Variants in FLT1 observed in about 807,000 individuals in gnomAD.
FLT1 encodes the protein fms related receptor tyrosine kinase 1.
FLT1 carries 49 observed loss-of-function variants against 156.3 expected under a neutral mutation model. The observed-to-expected ratio is 0.31, with a 90% CI of 0.25 to 0.40. The LOEUF (loss-of-function observed/expected upper bound fraction) is 0.40, where lower values mean the gene tolerates loss of function less well. FLT1 is among the 10% of genes least tolerant of loss of function. The probability of loss-of-function intolerance (pLI) is 1.00; values close to 1 mark genes in which losing one functional copy is unlikely to be tolerated. For missense variants in FLT1, 1,322 were observed against 1,637.2 expected (o/e 0.81, Z 3.32); for synonymous variants, 594 against 583.8 (o/e 1.02, Z -0.25).
chr13:28,391,020 C>T (rs956921425), intron 12 of FLT1, among the ~76,000 whole-genome samples: 76 of 152,132 alleles, frequency 5.0e-4, no homozygotes, highest in South Asian at 2.1e-4. Flanking sequence ...GAGAGGAGCC[C>T]GCTGACTTAC....
intron 1 of FLT1, among the ~76,000 whole-genome samples, chr13:28,492,511 A>G (rs1333271547): frequency 6.6e-6 from 1 of 151,934 alleles, no homozygotes; most frequent in African/African-American, 2.4e-5. Context: ...GGGGAAAGGC[A>G]TTATCTTTTT....
intron 11 of FLT1, among the ~76,000 whole-genome samples, chr13:28,399,942 G>A (rs1226020111): frequency 6.6e-6 from 1 of 152,202 alleles, no homozygotes; most frequent in East Asian, 1.9e-4. Flanking sequence ...CCAAAACCCT[G>A]TGAGATGGGT....
intron 25 of FLT1, among the ~76,000 whole-genome samples, chr13:28,314,961 G>A (rs1871142149): frequency 6.6e-6 from 1 of 152,182 alleles, no homozygotes; most frequent in Non-Finnish European, 1.5e-5. Context: ...AAGCTGATGT[G>A]ACTTTGTACC....
chr13:28,492,883 A>G (rs79377967), intron 1 of FLT1, among the ~76,000 whole-genome samples: 266 of 152,330 alleles, frequency 1.7e-3, no homozygotes, highest in African/African-American at 6.0e-3. Context: ...TGTTCTGTTA[A>G]CTGTTAGGTA....
chr13:28,315,567 C>T (rs1434667394), intron 25 of FLT1, among the ~76,000 whole-genome samples: 1 of 151,914 alleles, frequency 6.6e-6, no homozygotes, highest in Non-Finnish European at 1.5e-5. Flanking sequence ...AAAAAACAAA[C>T]AAAAAAACCC....
chr13:28,386,467 A>G, intron 13 of FLT1: 1 of 1,046,298 alleles, frequency 9.6e-7, no homozygotes, highest in Non-Finnish European at 1.2e-6. Flanking sequence ...CTGAAGGCAA[A>G]AAAGTGTGCT....
At chr13:28,492,071 T>C (rs1881504065) in intron 1 of FLT1, among the ~76,000 whole-genome samples, 1 of 151,626 alleles carries the variant, frequency 6.6e-6, no homozygotes, top group African/African-American at 2.4e-5. Context: ...AATATGCAAT[T>C]TAGACCAAAA....
chr13:28,479,375 C>T (rs1880717823), intron 1 of FLT1, among the ~76,000 whole-genome samples: 1 of 152,170 alleles, frequency 6.6e-6, no homozygotes, highest in African/African-American at 2.4e-5. Flanking sequence ...GGAGATTAAT[C>T]ATGCTTCGGA....
At chr13:28,450,007 AT>A (rs66516387) in intron 3 of FLT1, among the ~76,000 whole-genome samples, 118,066 of 152,028 alleles carry the variant, frequency 0.78, 46,060 homozygotes, top group African/African-American at 0.82. Flanking sequence ...AGGAAAACCG[AT>A]TCCCCTCAAT....
chr13:28,308,035 G>A (rs1247865868), intron 28 of FLT1, among the ~76,000 whole-genome samples: 1 of 152,222 alleles, frequency 6.6e-6, no homozygotes, highest in Non-Finnish European at 1.5e-5. Flanking sequence ...GCCTCCCAAA[G>A]TGCTGGGATT....
Position 28,453,092 on chromosome 13 carries a change from CTT to C in FLT1, c.388+13809_388+13810del, listed in dbSNP as rs1353121531. On this transcript the variant is annotated intron_variant, in intron 3 of 29. Transcript: ENST00000282397. ...CTTTCCTTTCCTTTCCTTTCCTTTCCTTTCCTTTCCTTTCCTTTCCTTTCCTT... is the reference window on the plus strand; with the variant it reads ...CTTTCCTTTCCTTTCCTTTCCTTTCCTCCTTTCCTTTCCTTTCCTTTCCTT... 4.9e-3 allele frequency among the ~76,000 whole-genome samples: 280 copies of C among 57,176 alleles called. 12 individuals carry two copies. The highest frequency in any genetic ancestry group is 6.7e-3 in the Non-Finnish European group (219 of 32,506). 37.5% of individuals were successfully genotyped at this position (57,176 alleles called of 152,430 possible). A position where few individuals can be genotyped will look rare whatever the true frequency, so the allele number is the denominator to read the frequency against.
At chr13:28,493,316 A>G (rs1447649619) in intron 1 of FLT1, among the ~76,000 whole-genome samples, 1 of 152,218 alleles carries the variant, frequency 6.6e-6, no homozygotes, top group Non-Finnish European at 1.5e-5. Context: ...AAAATACAAC[A>G]TTTTATTTAA....
intron 1 of FLT1, among the ~76,000 whole-genome samples, chr13:28,470,781 C>T (rs1240202166): frequency 2.0e-5 from 3 of 152,152 alleles, no homozygotes; most frequent in African/African-American, 7.2e-5. Flanking sequence ...GCCTCCGCCT[C>T]CTGGGTTCAA....
intron 10 of FLT1, among the ~76,000 whole-genome samples, chr13:28,409,713 A>G (rs1271154377): frequency 6.6e-6 from 1 of 152,076 alleles, no homozygotes; most frequent in Admixed American, 6.6e-5. Context: ...TGTGCACTTG[A>G]CCCCAACACC....
intron 10 of FLT1, among the ~76,000 whole-genome samples, chr13:28,408,537 G>A (rs1334009950): frequency 6.6e-6 from 1 of 152,214 alleles, no homozygotes; most frequent in African/African-American, 2.4e-5. Flanking sequence ...GGAGGGGAAT[G>A]TGCCTAAGCC....
At chr13:28,402,517 T>C (rs1566005994) in intron 11 of FLT1, among the ~76,000 whole-genome samples, 1 of 152,208 alleles carries the variant, frequency 6.6e-6, no homozygotes, top group East Asian at 1.9e-4. Flanking sequence ...AAGTCTAATA[T>C]ATTACAATTA....
Position 28,329,658 on chromosome 13 carries a change from A to G in FLT1, c.2664T>C (p.His888=), listed in dbSNP as rs1871841391. The G allele has an allele frequency of 6.2e-7, 1 of 1,614,184 alleles. No individual in the cohort carries two copies. The highest frequency in any genetic ancestry group is 8.5e-7 in the Non-Finnish European group (1 of 1,180,030). ...CTCCCAGCAGGTTAACCACGTTCAG[A>G]TGGTGGCCAATGTGGGTCAAGATTT... is the stretch of plus-strand genomic sequence containing the variant. ...ELKILTHIGH[H]LNVVNLLGAC... The change falls in exon 19 of 30, where the codon CAT becomes CAC. Residue 888 remains histidine, a synonymous_variant. Transcript: ENST00000282397.
chr13:28,327,175 G>A (rs1871718128), intron 20 of FLT1, among the ~76,000 whole-genome samples: 1 of 152,232 alleles, frequency 6.6e-6, no homozygotes, highest in African/African-American at 2.4e-5. Context: ...TATATAGGGG[G>A]AGAAAGAGAG....
At chr13:28,463,164 G>A (rs971166392) in intron 3 of FLT1, among the ~76,000 whole-genome samples, 2 of 152,030 alleles carry the variant, frequency 1.3e-5, no homozygotes, top group Admixed American at 6.6e-5. Flanking sequence ...TAGATAATTC[G>A]GTAATTAAGT....
Sources: allele counts gnomAD v4.1 joint callset (sites outside exome capture counted in the v4.1 genomes callset), GRCh38; gene constraint gnomAD v4.1.1; transcripts MANE v1.5; gene names NCBI Gene and HGNC (gene_info 2026-07-23, HGNC 2026-07-21).